The following CRYGA variants were observed in gnomAD, a reference collection of about 807,000 sequenced individuals.
CRYGA encodes the protein crystallin gamma A.
CRYGA carries 11 observed loss-of-function variants against 13.8 expected under a neutral mutation model. The ratio of observed to expected loss-of-function variants is 0.80; its 90% CI spans 0.50 to 1.32. CRYGA has a LOEUF of 1.32. CRYGA is among the 40% of genes most tolerant of loss of function. The pLI is 0.00. For synonymous variants in CRYGA, 97 were observed against 89.3 expected, an observed-to-expected ratio of 1.09 and a Z score of -0.48; for missense variants, 271 against 234.1, an observed-to-expected ratio of 1.16 and a Z score of -1.03.
chr2:208,160,748 A>C lies in CRYGA; in HGVS notation c.*56T>G, dbSNP rs1695734873. 1.2e-5 allele frequency: 12 copies of C among 998,274 alleles called. No individual in the cohort carries two copies. Among genetic ancestry groups the C allele is most frequent in the Non-Finnish European group, 1.8e-5 (12 of 654,872 alleles). The allele number at this position is 998,274 out of a possible 1,614,324, so 61.8% of individuals were successfully genotyped here. On this transcript the variant is annotated 3_prime_UTR_variant, in exon 3 of 3. Coordinates refer to ENST00000304502, the MANE Select transcript of CRYGA (RefSeq NM_014617.4). ...AAACAAGAGCCACTTAGTGCAGGGAACACAACTTGTATATTTATTATGTTT... is the reference window on the plus strand; with the variant it reads ...AAACAAGAGCCACTTAGTGCAGGGACCACAACTTGTATATTTATTATGTTT...
intron 2 of CRYGA, among the ~76,000 whole-genome samples, chr2:208,162,726 C>A (rs1167445620): frequency 6.6e-6 from 1 of 152,048 alleles, no homozygotes. Flanking sequence ...GTAATCCCAG[C>A]TACAAGGGAG....
Position 208,163,217 on chromosome 2 carries a change from C to A in CRYGA, c.239G>T (p.Arg80Leu), listed in dbSNP as rs139353014. Residue 80 changes from arginine (R) to leucine (L), a missense_variant, in exon 2 of 3, where the codon CGT becomes CTT. Transcript: ENST00000304502. Reference sequence around the variant, plus strand: ...AGCAAGACTCACATGAGGAATTATACGGCAGGATTGGACCGAGTCGCTGAG... The same window carrying A: ...AGCAAGACTCACATGAGGAATTATAAGGCAGGATTGGACCGAGTCGCTGAG... ...MGLSDSVQSC[R>L]IIPHTSSHKL... is the part of the protein sequence containing the mutation. 1.9e-6 allele frequency: 3 copies of A among 1,612,754 alleles called. No individual in the cohort carries two copies. Among genetic ancestry groups the A allele is most frequent in the Non-Finnish European group, 2.5e-6 (3 of 1,179,710 alleles).
intron 2 of CRYGA, among the ~76,000 whole-genome samples, 179 bp downstream of exon 2, chr2:208,163,025 A>G (rs532087964): frequency 1.4e-3 from 219 of 152,008 alleles, no homozygotes; most frequent in African/African-American, 5.1e-3. Flanking sequence ...TGATGTCCTT[A>G]AGTAAGAAAA....
In CRYGA at chr2:208,163,322, A is replaced by G. The variant is rs1215293679; in HGVS notation, c.134T>C (p.Leu45Pro). 3.7e-6 allele frequency: 6 copies of G among 1,613,872 alleles called. No individual in the cohort carries two copies. The highest frequency in any genetic ancestry group is 4.5e-5 in the East Asian group (2 of 44,866). ...GCCCTGGTAATTGGGACGCTCATAG[A>G]GCATCCAGCAGCCGCTGTCTACTCG... The part of the protein sequence containing the change: ...SIRVDSGCWM[L>P]YERPNYQGHQ... Residue 45 changes from leucine to proline, a missense_variant, in exon 2 of 3, where the codon CTC becomes CCC. Transcript: ENST00000304502.
intron 2 of CRYGA, among the ~76,000 whole-genome samples, chr2:208,162,525 A>C (rs1695778824): frequency 6.6e-6 from 1 of 152,198 alleles, no homozygotes; most frequent in Non-Finnish European, 1.5e-5. Context: ...TTATACCTAT[A>C]TTGTTATCTC....
At chr2:208,163,515 A>G in intron 1 of CRYGA, 33 bp downstream of exon 1, 2 of 1,611,710 alleles carry the variant, frequency 1.2e-6, no homozygotes. Flanking sequence ...ACAGACCCCC[A>G]ATAGACATGG....
rs2441351 is a variant in CRYGA at position 208,161,199 on chromosome 2, G to C, written c.253-123C>G. ...CTTTTATTTTATTTTTGAGATAAAGGTCTTGCTGTGTTGCCCAGGCTGGAG... is the reference window on the plus strand; with the variant it reads ...CTTTTATTTTATTTTTGAGATAAAGCTCTTGCTGTGTTGCCCAGGCTGGAG... On this transcript the variant is annotated intron_variant, in intron 2 of 2. Transcript: ENST00000304502. The C allele has an allele frequency of 1.1e-4, 104 of 981,282 alleles. No individual in the cohort carries two copies. The South Asian group carries it at 1.7e-3, about 16-fold the overall frequency. 60.8% of individuals were successfully genotyped at this position (981,282 alleles called of 1,614,324 possible).
At position 208,160,858 on chromosome 2, in the gene CRYGA, C is replaced by G. The variant is rs1052600801; in HGVS notation, c.471G>C (p.Trp157Cys). 8 of 1,612,200 alleles carry G rather than the reference C, an allele frequency of 5.0e-6. No homozygotes were observed. Among genetic ancestry groups the G allele is most frequent in the African/African-American group, 1.3e-5 (1 of 74,860 alleles). Reference protein sequence around the residue: ...RPGDYRRYHDWGGADAKVGSL... With the variant: ...RPGDYRRYHDCGGADAKVGSL... Reference sequence around the variant, plus strand: ...AGCCGACTTTGGCATCTGCACCCCCCCAGTCGTGGTACCTTCTGTAGTCCC... The same window carrying G: ...AGCCGACTTTGGCATCTGCACCCCCGCAGTCGTGGTACCTTCTGTAGTCCC... Residue 157 changes from tryptophan to cysteine, a missense_variant, in exon 3 of 3, where the codon TGG (tryptophan) becomes TGC (cysteine). Coordinates refer to ENST00000304502, the MANE Select transcript of CRYGA (RefSeq NM_014617.4).
chr2:208,161,237 A>T (rs573360302), intron 2 of CRYGA, among the ~76,000 whole-genome samples, 161 bp from the exon 3 acceptor site: 1 of 152,122 alleles, frequency 6.6e-6, no homozygotes, highest in Non-Finnish European at 1.5e-5. Flanking sequence ...CAGTGGCAGG[A>T]TCACTGCTCA....
chr2:208,163,129 T>C, intron 2 of CRYGA, 75 bp downstream of exon 2: 1 of 1,330,038 alleles, frequency 7.5e-7, no homozygotes, highest in Non-Finnish European at 1.1e-6. Context: ...TGGAACAAAC[T>C]GACTTTTATA....
chr2:208,163,339 G>C lies in CRYGA; in HGVS notation c.117C>G (p.Asp39Glu). 6.2e-7 allele frequency: 1 copy of C among 1,614,050 alleles called. No homozygotes were observed. Among genetic ancestry groups the C allele is most frequent in the Non-Finnish European group, 8.5e-7 (1 of 1,180,016 alleles). ...GCTCATAGAGCATCCAGCAGCCGCT[G>C]TCTACTCGGATGGAGTTGCAGCGGC... ...YFSRCNSIRV[D>E]SGCWMLYERP... Residue 39 changes from aspartate (D) to glutamate (E), a missense_variant, in exon 2 of 3, where the codon GAC (aspartate) becomes GAG (glutamate). Transcript: ENST00000304502.
At chr2:208,163,484 G>A (rs776358584) in intron 1 of CRYGA, 38 bp from the exon 2 acceptor site, 2 of 1,612,780 alleles carry the variant, frequency 1.2e-6, no homozygotes, top group South Asian at 1.1e-5. Context: ...CAGTCAGCTG[G>A]AAGGAACATC....
Position 208,163,216 on chromosome 2 carries a change from A to T in CRYGA, c.240T>A (p.Arg80=), listed in dbSNP as rs759445810. 5 of 1,613,238 alleles carry T rather than the reference A, an allele frequency of 3.1e-6. No homozygotes were observed. The change falls in exon 2 of 3, where the codon CGT becomes CGA. Residue 80 remains arginine, a synonymous_variant. Coordinates refer to ENST00000304502, the MANE Select transcript of CRYGA (RefSeq NM_014617.4). The part of the protein sequence containing the change: ...MGLSDSVQSC[R]IIPHTSSHKL... ...AAGCAAGACTCACATGAGGAATTAT[A>T]CGGCAGGATTGGACCGAGTCGCTGA...
Position 208,160,885 on chromosome 2 carries a change from A to G in CRYGA, c.444T>C (p.Pro148=), listed in dbSNP as rs769374325. ...NYRGRQYLLR[P]GDYRRYHDWG... The stretch of plus-strand genomic sequence containing the variant: ...AGTCGTGGTACCTTCTGTAGTCCCC[A>G]GGCCTCAGCAGATACTGCCGCCCCC... Residue 148 remains proline (P), a synonymous_variant, in exon 3 of 3, where the codon CCT becomes CCC. Transcript: ENST00000304502. 2.5e-6 allele frequency: 4 copies of G among 1,612,574 alleles called. No individual in the cohort carries two copies. In the South Asian group the frequency reaches 4.4e-5, roughly 18 times the overall value.
At chr2:208,163,167 G>T (rs1695794348) in intron 2 of CRYGA, 37 bp downstream of exon 2, 1 of 1,561,850 alleles carries the variant, frequency 6.4e-7, no homozygotes, top group Non-Finnish European at 8.8e-7. Flanking sequence ...ATGGATCATT[G>T]ATGCTTTCAC....
chr2:208,163,409 C>T lies in CRYGA; in HGVS notation c.47G>A (p.Cys16Tyr), dbSNP rs149152810. 9.3e-6 allele frequency: 15 copies of T among 1,613,714 alleles called. 1 individual carries two copies. The highest frequency in any genetic ancestry group is 6.8e-6 in the Non-Finnish European group (8 of 1,180,008). ...FYEDRDFQGR[C>Y]YNCISDCPNL... Reference sequence around the variant, plus strand: ...GGGGCAGTCACTGATGCAATTGTAGCAGCGACCCTGAAAGTCTCGGTCCTC... The same window carrying T: ...GGGGCAGTCACTGATGCAATTGTAGTAGCGACCCTGAAAGTCTCGGTCCTC... The change falls in exon 2 of 3, where the codon TGC becomes TAC. Residue 16 changes from cysteine to tyrosine, a missense_variant. By Grantham distance (194) the Cys-to-Tyr change is radical. Coordinates refer to ENST00000304502, the MANE Select transcript of CRYGA (RefSeq NM_014617.4).
chr2:208,163,348 G>A lies in CRYGA; in HGVS notation c.108C>T (p.Ile36=). ...LRVYFSRCNS[I]RVDSGCWMLY... is the part of the protein sequence containing the mutation. ...GCATCCAGCAGCCGCTGTCTACTCG[G>A]ATGGAGTTGCAGCGGCTGAAGTAGA... The change falls in exon 2 of 3, where the codon ATC becomes ATT. Residue 36 remains isoleucine, a synonymous_variant. Transcript: ENST00000304502. The A allele has an allele frequency of 1.2e-6, 2 of 1,614,082 alleles. No individual in the cohort carries two copies. The highest frequency in any genetic ancestry group is 1.7e-6 in the Non-Finnish European group (2 of 1,180,014).
At chr2:208,161,293 C>G (rs949595538) in intron 2 of CRYGA, among the ~76,000 whole-genome samples, 2 of 151,858 alleles carry the variant, frequency 1.3e-5, no homozygotes, top group Non-Finnish European at 2.9e-5. Context: ...CCACCTCAGC[C>G]CCCCAAGTAG....
rs760579805 is a variant in CRYGA, at chr2:208,163,422, A to AGTCT, written c.30_33dup (p.Phe12ArgfsTer12). The AGTCT allele has an allele frequency of 1.2e-6, 2 of 1,613,814 alleles. No individual in the cohort carries two copies. The highest frequency in any genetic ancestry group is 1.7e-6 in the Non-Finnish European group (2 of 1,179,986). ...ATGCAATTGTAGCAGCGACCCTGAA[A>AGTCT]GTCTCGGTCCTCGTAGAAGGTGATC... On this transcript the variant is annotated frameshift_variant, in exon 2 of 3. Coordinates refer to ENST00000304502, the MANE Select transcript of CRYGA (RefSeq NM_014617.4). LOFTEE classifies it high-confidence loss of function.
Sources: gnomAD v4.1 joint callset for allele counts (sites outside exome capture counted in the v4.1 genomes callset) on GRCh38, gnomAD v4.1.1 for gene constraint, MANE v1.5 for transcripts, NCBI Gene and HGNC (gene_info 2026-07-23, HGNC 2026-07-21) for gene names.